NFATC2: variants seen among roughly 807,000 people sequenced by gnomAD.
NFATC2 encodes the protein nuclear factor of activated T cells 2.
In NFATC2, 22 loss-of-function variants were observed where a neutral mutation model predicts 87.3. The ratio of observed to expected loss-of-function variants is 0.25; its 90% CI spans 0.18 to 0.36. The LOEUF is 0.36. NFATC2 is among the 10% of genes least tolerant of loss of function. The probability of loss-of-function intolerance (pLI) is 1.00; values close to 1 mark genes in which losing one functional copy is unlikely to be tolerated. For synonymous variants in NFATC2, 565 were observed against 542.2 expected, an observed-to-expected ratio of 1.04 and a Z score of -0.58; for missense variants, 1,149 against 1,259.1, an observed-to-expected ratio of 0.91 and a Z score of 1.32.
At chr20:51,561,472 AAAGAAAGAAAGAAAGCAAGCAAGCAAGC>A (rs1168500221) in intron 1 of NFATC2, among the ~76,000 whole-genome samples, 175 of 137,502 alleles carry the variant, frequency 1.3e-3, no homozygotes, top group African/African-American at 3.8e-3. Flanking sequence ...AGAAAGAAAG[AAAGAAAGAAAGAAAGCAAGCAAGCAAGC>A]AAGCAAGCAA....
chr20:51,517,922 A>AAC (rs1288108239), intron 2 of NFATC2, among the ~76,000 whole-genome samples: 1 of 151,780 alleles, frequency 6.6e-6, no homozygotes, highest in Non-Finnish European at 1.5e-5. Flanking sequence ...CAAAAAAAAA[A>AAC]AAAAACATAA....
In NFATC2 at chr20:51,559,200, T is replaced by C. The variant is rs146354983; in HGVS notation, c.70+3360A>G. 3.1e-3 allele frequency among the ~76,000 whole-genome samples: 473 copies of C among 152,360 alleles called. 2 individuals carry two copies. The highest frequency in any genetic ancestry group is 0.011 in the African/African-American group (452 of 41,586). ...CACTGGCTGGCTGAGGACTTTCTTC[T>C]TCTACTAAGAGTGGAAGCCTTATGC... is the stretch of plus-strand genomic sequence containing the variant. On this transcript the variant is annotated intron_variant, in intron 1 of 10. Coordinates refer to the NFATC2 transcript ENST00000414705.
At chr20:51,408,422 G>A (rs1978668736) in intron 9 of NFATC2, among the ~76,000 whole-genome samples, 2 of 148,466 alleles carry the variant, frequency 1.3e-5, no homozygotes, top group South Asian at 2.1e-4. Flanking sequence ...GCTAAGGCAG[G>A]AGAATCCCAT....
intron 3 of NFATC2, among the ~76,000 whole-genome samples, chr20:51,501,144 T>A (rs552120794): frequency 1.8e-4 from 28 of 152,030 alleles, no homozygotes; most frequent in African/African-American, 6.5e-4. Flanking sequence ...TCTGGCACTT[T>A]CATGCAGCTT....
rs1986166792 is a variant in NFATC2, at chr20:51,390,157, G to A, written c.*1339C>T. On this transcript the variant is annotated 3_prime_UTR_variant, in exon 11 of 11. Transcript: ENST00000371564. Reference sequence around the variant, plus strand: ...ATCACATATAACATGCAACCGAATAGAGCTCATTCAAAGTAAAGGATGCAT... The same window carrying A: ...ATCACATATAACATGCAACCGAATAAAGCTCATTCAAAGTAAAGGATGCAT... The A allele has an allele frequency of 6.6e-6, 1 of 152,048 alleles. No homozygotes were observed. The highest frequency in any genetic ancestry group is 2.4e-5 in the African/African-American group (1 of 41,306). The allele number at this position is 152,048 out of a possible 1,614,324, so 9.4% of individuals were successfully genotyped here.
At chr20:51,406,499 A>G (rs191362290) in intron 9 of NFATC2, among the ~76,000 whole-genome samples, 1 of 152,334 alleles carries the variant, frequency 6.6e-6, no homozygotes, top group East Asian at 1.9e-4. Context: ...CCCGGTACAC[A>G]TCTAAAAGGT....
rs1568667330 is a variant in NFATC2, at chr20:51,477,571, ATATAT to A, written c.1333-1916_1333-1912del. On this transcript the variant is annotated intron_variant, in intron 3 of 10. Transcript: ENST00000371564. ...TATATATATATATATATATATATAT[ATATAT>A]ATATAAAATAACAAGAGACAAAAGG... Among the ~76,000 whole-genome samples the A allele has an allele frequency of 4.9e-3, 434 of 89,444 alleles. 3 individuals are homozygous for A. The highest frequency in any genetic ancestry group is 0.017 in the Middle Eastern group (3 of 176). 58.7% of individuals were successfully genotyped at this position (89,444 alleles called of 152,430 possible). A position where few individuals can be genotyped will look rare whatever the true frequency, so the allele number is the denominator to read the frequency against.
At chr20:51,483,753 C>T (rs1284143039) in intron 3 of NFATC2, among the ~76,000 whole-genome samples, 1 of 151,966 alleles carries the variant, frequency 6.6e-6, no homozygotes, top group African/African-American at 2.4e-5. Flanking sequence ...ACTCTCTCTG[C>T]CTCCATCCCA....
At position 51,390,279 on chromosome 20, in the gene NFATC2, C is replaced by T. The variant is rs910316826; in HGVS notation, c.*1217G>A. ...GTTCAGGTCAAATTAACCAGTGAAGCTGGGAAGCACATCCTGAGCTCGGCT... is the reference window on the plus strand; with the variant it reads ...GTTCAGGTCAAATTAACCAGTGAAGTTGGGAAGCACATCCTGAGCTCGGCT... On this transcript the variant is annotated 3_prime_UTR_variant, in exon 11 of 11. Transcript: ENST00000371564. 3.3e-5 allele frequency: 5 copies of T among 152,186 alleles called. No individual in the cohort carries two copies. The highest frequency in any genetic ancestry group is 7.3e-5 in the Non-Finnish European group (5 of 68,032). 9.4% of individuals were successfully genotyped at this position (152,186 alleles called of 1,614,324 possible).
chr20:51,542,755 G>GTC (rs1017683207), upstream of NFATC2: 7 of 395,524 alleles, frequency 1.8e-5, 2 homozygotes, highest in South Asian at 6.2e-4. Context: ...GAGGCGGGGG[G>GTC]GGGGGGGGCG....
At chr20:51,491,917 C>T (rs1207358674) in intron 3 of NFATC2, among the ~76,000 whole-genome samples, 7 of 147,774 alleles carry the variant, frequency 4.7e-5, no homozygotes, top group African/African-American at 1.8e-4. Context: ...CACACACACA[C>T]ACCCCTTGCC....
intron 8 of NFATC2, 81 bp downstream of exon 8, chr20:51,435,107 T>C (rs1245236882): frequency 1.3e-6 from 2 of 1,552,046 alleles, no homozygotes; most frequent in East Asian, 2.3e-5. Flanking sequence ...GTTACCCGGC[T>C]AGGAGCAGAC....
upstream of NFATC2, among the ~76,000 whole-genome samples, chr20:51,546,296 T>TCTGCTG (rs2076888761): frequency 1.3e-5 from 2 of 152,220 alleles, no homozygotes; most frequent in South Asian, 4.1e-4. Context: ...TAAAAGAGTT[T>TCTGCTG]CTGCTGGACA....
At chr20:51,471,835 G>A (rs908552855) in intron 5 of NFATC2, among the ~76,000 whole-genome samples, 13 of 152,070 alleles carry the variant, frequency 8.5e-5, no homozygotes, top group Admixed American at 5.9e-4. Flanking sequence ...TTTTTAAATC[G>A]GGATATTTTT....
At chr20:51,494,082 C>T (rs2075947162) in intron 3 of NFATC2, among the ~76,000 whole-genome samples, 2 of 152,196 alleles carry the variant, frequency 1.3e-5, no homozygotes, top group African/African-American at 2.4e-5. Flanking sequence ...TCGCCACCAT[C>T]GTCACCCATT....
intron 10 of NFATC2, among the ~76,000 whole-genome samples, chr20:51,396,852 G>C (rs1191210302): frequency 2.0e-5 from 3 of 152,102 alleles, no homozygotes; most frequent in Non-Finnish European, 4.4e-5. Flanking sequence ...TGTTCTCAGG[G>C]GGAAGCGACT....
intron 9 of NFATC2, among the ~76,000 whole-genome samples, chr20:51,422,317 C>G (rs977502203): frequency 6.6e-6 from 1 of 152,142 alleles, no homozygotes; most frequent in Non-Finnish European, 1.5e-5. Flanking sequence ...CATCCCCAAA[C>G]CTGAGAGCAG....
chr20:51,509,259 T>C (rs940652775), intron 3 of NFATC2, among the ~76,000 whole-genome samples: 2 of 135,238 alleles, frequency 1.5e-5, no homozygotes, highest in African/African-American at 5.8e-5. Flanking sequence ...ACTATTTCAT[T>C]TTCCTATTTA....
At chr20:51,483,296 C>G (rs1357608615) in intron 3 of NFATC2, among the ~76,000 whole-genome samples, 4 of 152,080 alleles carry the variant, frequency 2.6e-5, no homozygotes, top group African/African-American at 9.7e-5. Flanking sequence ...TTCAAAATGG[C>G]AACGGGCCAA....
Sources: allele counts gnomAD v4.1 joint callset (sites outside exome capture counted in the v4.1 genomes callset), GRCh38; gene constraint gnomAD v4.1.1; transcripts MANE v1.5; gene names NCBI Gene and HGNC (gene_info 2026-07-23, HGNC 2026-07-21).